The following COL20A1 variants were observed in gnomAD, a reference collection of about 807,000 sequenced individuals.
COL20A1 encodes collagen type XX alpha 1 chain.
Under a neutral mutation model 152.9 loss-of-function variants are expected in COL20A1, and 164 were observed. The ratio of observed to expected loss-of-function variants is 1.07; its 90% CI spans 0.94 to 1.22. The LOEUF is 1.22. Ranked by LOEUF, COL20A1 falls within the 50% of genes most tolerant of loss-of-function variation. The probability of loss-of-function intolerance (pLI) is 0.00; values close to 1 mark genes in which losing one functional copy is unlikely to be tolerated. For synonymous variants in COL20A1, 864 were observed against 756.0 expected (o/e 1.14, Z -2.34); for missense variants, 1,873 against 1,744.8 (o/e 1.07, Z -1.31).
chr20:63,314,232 T>C, intron 19 of COL20A1, 31 bp downstream of exon 19: 9 of 1,544,632 alleles, frequency 5.8e-6, no homozygotes, highest in Non-Finnish European at 7.9e-6. Context: ...CAGACCCAGG[T>C]AGACCCAGCC....
chr20:63,301,238 C>G (rs1179952433), intron 3 of COL20A1, among the ~76,000 whole-genome samples: 2 of 152,178 alleles, frequency 1.3e-5, no homozygotes, highest in East Asian at 1.9e-4. Flanking sequence ...TCGCTTGAAC[C>G]TGGGAGGTGG....
intron 32 of COL20A1, 28 bp downstream of exon 32, chr20:63,328,015 C>T: frequency 1.2e-6 from 2 of 1,611,944 alleles, no homozygotes; most frequent in Non-Finnish European, 1.7e-6. Context: ...CTTTGGCTCA[C>T]TTGGGATCTC....
Position 63,309,819 on chromosome 20 carries a change from C to T in COL20A1, c.1167C>T (p.Thr389=), listed in dbSNP as rs1447844685. The change falls in exon 10 of 36, where the codon ACC becomes ACT. Residue 389 remains threonine, a synonymous_variant. Transcript: ENST00000358894. ...CCAGCCTGGTCCTGAGCCAGGTGAC[C>T]TCCTCCAGCATCCGCCTGTCCTGGA... ...APTSLVLSQV[T]SSSIRLSWTP... The T allele has an allele frequency of 5.6e-6, 9 of 1,609,884 alleles. No homozygotes were observed. The highest frequency in any genetic ancestry group is 7.6e-6 in the Non-Finnish European group (9 of 1,178,516).
At chr20:63,295,002 C>A in intron 1 of COL20A1, 96 bp from the exon 2 acceptor site, 1 of 759,596 alleles carries the variant, frequency 1.3e-6, no homozygotes, top group Non-Finnish European at 2.2e-6. Flanking sequence ...GGACAGGCTG[C>A]CTGGCCCTCG....
Position 63,333,405 on chromosome 20 carries a change from TCACGGGGCTCA to T in COL20A1, c.*2691_*2701del, listed in dbSNP as rs902532402. 2 of 152,196 alleles carry T rather than the reference TCACGGGGCTCA, an allele frequency of 1.3e-5. No homozygotes were observed. The highest frequency in any genetic ancestry group is 4.8e-5 in the African/African-American group (2 of 41,322). 9.4% of individuals were successfully genotyped at this position (152,196 alleles called of 1,614,324 possible). A position where few individuals can be genotyped will look rare whatever the true frequency, so the allele number is the denominator to read the frequency against. ...TGGGGGTTGTGGGAAGGTCATGGAA[TCACGGGGCTCA>T]CGCTGGGGTCACAGGGTGGTGTGGC... is the stretch of plus-strand genomic sequence containing the variant. On this transcript the variant is annotated 3_prime_UTR_variant, in exon 36 of 36. Transcript: ENST00000358894.
Position 63,312,877 on chromosome 20 carries a change from T to G in COL20A1, c.2019T>G (p.Ser673=). 6.4e-7 allele frequency: 1 copy of G among 1,557,140 alleles called. No individual in the cohort carries two copies. The highest frequency in any genetic ancestry group is 8.7e-7 in the Non-Finnish European group (1 of 1,150,696). Residue 673 remains serine (S), a synonymous_variant, in exon 16 of 36, where the codon TCT becomes TCG. Coordinates refer to ENST00000358894, the MANE Select transcript of COL20A1 (RefSeq NM_020882.4). ...VQLAWVAAAP[S]GVLVYQITWT... is the part of the protein sequence containing the mutation. ...TGGCGTGGGTGGCCGCAGCCCCGTCTGGCGTGCTTGTCTACCAGATCACGT... is the reference window on the plus strand; with the variant it reads ...TGGCGTGGGTGGCCGCAGCCCCGTCGGGCGTGCTTGTCTACCAGATCACGT...
intron 2 of COL20A1, among the ~76,000 whole-genome samples, chr20:63,295,413 T>C (rs1326839592): frequency 2.6e-5 from 4 of 152,276 alleles, no homozygotes; most frequent in African/African-American, 7.2e-5. Context: ...TTTAGTTCTC[T>C]GTTATATTAA....
At position 63,327,964 on chromosome 20, in the gene COL20A1, C is replaced by T; in HGVS notation, c.3541C>T (p.Pro1181Ser). 1 of 1,603,998 alleles carries T rather than the reference C, an allele frequency of 6.2e-7. No homozygotes were observed. Among genetic ancestry groups the T allele is most frequent in the East Asian group, 2.2e-5 (1 of 44,478 alleles). The stretch of plus-strand genomic sequence containing the variant: ...CCCTCCTCATCAGGGACTGCCAGGG[C>T]CCAAAGGGGAACGAGGAGAGAAGGT... ...GTVGPTGLPGPKGERGEKGEP... is the reference protein window; with the variant it reads ...GTVGPTGLPGSKGERGEKGEP... The change falls in exon 32 of 36, where the codon CCC (proline) becomes TCC (serine). Residue 1181 changes from proline (P) to serine (S), a missense_variant. By Grantham distance (74) the Pro-to-Ser change is moderately conservative (BLOSUM62 -1). Coordinates refer to ENST00000358894, the MANE Select transcript of COL20A1 (RefSeq NM_020882.4).
intron 35 of COL20A1, among the ~76,000 whole-genome samples, 183 bp downstream of exon 35, chr20:63,329,844 C>T (rs945610446): frequency 1.6e-4 from 24 of 152,150 alleles, no homozygotes; most frequent in Non-Finnish European, 1.5e-5. Context: ...CCCGTAGGGG[C>T]AACAGGAATG....
chr20:63,333,439 G>T lies in COL20A1; in HGVS notation c.*2723G>T, dbSNP rs930664882. On this transcript the variant is annotated 3_prime_UTR_variant, in exon 36 of 36. Transcript: ENST00000358894. Reference sequence around the variant, plus strand: ...TCACGCTGGGGTCACAGGGTGGTGTGGCTGTGTGGACTGTAAGGGGCGTGC... The same window carrying T: ...TCACGCTGGGGTCACAGGGTGGTGTTGCTGTGTGGACTGTAAGGGGCGTGC... 4 of 152,460 alleles carry T rather than the reference G, an allele frequency of 2.6e-5. No homozygotes were observed. The highest frequency in any genetic ancestry group is 4.8e-5 in the African/African-American group (2 of 41,440). The allele number at this position is 152,460 out of a possible 1,614,324, so 9.4% of individuals were successfully genotyped here.
At chr20:63,327,764 T>C in intron 31 of COL20A1, 188 bp from the exon 32 acceptor site, 1 of 619,062 alleles carries the variant, frequency 1.6e-6, no homozygotes, top group Non-Finnish European at 2.9e-6. Flanking sequence ...GCCTCTCACA[T>C]GCCTGCTCTC....
Position 63,319,987 on chromosome 20 carries a change from G to A in COL20A1, c.2917-52G>A, listed in dbSNP as rs1837456586. The A allele has an allele frequency of 6.5e-7, 1 of 1,536,176 alleles. No homozygotes were observed. The highest frequency in any genetic ancestry group is 2.4e-5 in the East Asian group (1 of 40,828). ...CCCTGGCCTGGCCTTGGGGGCTCAG[G>A]TGGGCACCGGCCCCGCCTGGGCTGT... On this transcript the variant is annotated intron_variant, in intron 23 of 35. Transcript: ENST00000358894. This position sits in a 1 kb window ranked among gnomAD's most constrained non-coding sequence, Gnocchi z 4.4.
chr20:63,294,953 T>C, intron 1 of COL20A1, 145 bp from the exon 2 acceptor site: 1 of 597,680 alleles, frequency 1.7e-6, no homozygotes. Flanking sequence ...GTTGCAGGCC[T>C]CTGGTCCTCA....
intron 27 of COL20A1, chr20:63,324,770 C>G (rs562175059): frequency 6.4e-6 from 1 of 155,106 alleles, no homozygotes; most frequent in Admixed American, 6.3e-5. Flanking sequence ...TGTTTGGAAC[C>G]TCAGTTTGCT....
intron 30 of COL20A1, among the ~76,000 whole-genome samples, 189 bp downstream of exon 30, chr20:63,326,338 C>T (rs2068247644): frequency 6.6e-6 from 1 of 152,190 alleles, no homozygotes; most frequent in South Asian, 2.1e-4. Context: ...AGGAGCACTG[C>T]ATGCTCCCAA....
chr20:63,332,551 G>C lies in COL20A1; in HGVS notation c.*1835G>C, dbSNP rs2068345744. 1 of 152,200 alleles carries C rather than the reference G, an allele frequency of 6.6e-6. No homozygotes were observed. 9.4% of individuals were successfully genotyped at this position (152,200 alleles called of 1,614,324 possible). The stretch of plus-strand genomic sequence containing the variant: ...GCCTTCCAAAGGAGCCCCTCTCCTG[G>C]GGCTCTCCAATTTGATGAAGGGACT... On this transcript the variant is annotated 3_prime_UTR_variant, in exon 36 of 36. Transcript: ENST00000358894.
At position 63,305,941 on chromosome 20, in the gene COL20A1, C is replaced by T. The variant is rs746141040; in HGVS notation, c.398C>T (p.Ala133Val). ...RSSQRPLGSG[A>V]PEPTPSHTGS... is the part of the protein sequence containing the mutation. ...AGCCAGAGGCCCCTCGGCTCTGGAGCCCCGGAGCCCACCCCCTCCCACACG... is the reference window on the plus strand; with the variant it reads ...AGCCAGAGGCCCCTCGGCTCTGGAGTCCCGGAGCCCACCCCCTCCCACACG... The change falls in exon 5 of 36, where the codon GCC becomes GTC. Residue 133 changes from alanine to valine, a missense_variant. Coordinates refer to ENST00000358894, the MANE Select transcript of COL20A1 (RefSeq NM_020882.4). The surrounding 1 kb of genome is among the most constrained non-coding windows in gnomAD (Gnocchi z 4.9). 6.2e-7 allele frequency: 1 copy of T among 1,612,478 alleles called. No individual in the cohort carries two copies. Among genetic ancestry groups the T allele is most frequent in the African/African-American group, 1.3e-5 (1 of 74,914 alleles).
At chr20:63,310,235 G>A (rs892895243) in intron 10 of COL20A1, 146 bp from the exon 11 acceptor site, 22 of 824,608 alleles carry the variant, frequency 2.7e-5, no homozygotes, top group Admixed American at 4.9e-5. Context: ...CTGCTCTGTC[G>A]TAGGTACAGG....
chr20:63,325,413 C>T (rs759402995), intron 27 of COL20A1, 28 bp from the exon 28 acceptor site: 29 of 1,581,512 alleles, frequency 1.8e-5, no homozygotes, highest in South Asian at 3.3e-5. Context: ...CCCTCCGCTT[C>T]GCTGTCCAGC....
Sources: allele counts gnomAD v4.1 joint callset (sites outside exome capture counted in the v4.1 genomes callset), GRCh38; gene constraint gnomAD v4.1.1; non-coding constraint Gnocchi (gnomAD v3.1); transcripts MANE v1.5; gene names NCBI Gene and HGNC (gene_info 2026-07-23, HGNC 2026-07-21).